Variants in SLC24A2 observed in about 807,000 individuals in gnomAD.
The protein encoded by SLC24A2 is solute carrier family 24 member 2.
SLC24A2 carries 36 observed loss-of-function variants against 62.0 expected under a neutral mutation model. That is an observed-to-expected ratio of 0.58 (90% confidence interval 0.44 to 0.77). The LOEUF (loss-of-function observed/expected upper bound fraction) is 0.77, where lower values mean the gene tolerates loss of function less well. Among genes scored for constraint, SLC24A2 ranks in the 30% least tolerant of loss-of-function variants. The pLI is 0.00. For synonymous variants in SLC24A2, 358 were observed against 294.0 expected (o/e 1.22, Z -2.23); for missense variants, 846 against 817.9 (o/e 1.03, Z -0.42).
Position 19,748,388 on chromosome 9 carries a change from C to T in SLC24A2, c.930+37549G>A, listed in dbSNP as rs191410257. Among the ~76,000 whole-genome samples, 135 of 152,282 alleles carry T rather than the reference C, an allele frequency of 8.9e-4. 1 individual carries two copies. Among genetic ancestry groups the T allele is most frequent in the African/African-American group, 3.1e-3 (130 of 41,564 alleles). On this transcript the variant is annotated intron_variant, in intron 2 of 10. Coordinates refer to ENST00000341998, the MANE Select transcript of SLC24A2 (RefSeq NM_020344.4). ...AGATGACAAAACATTAATCCCTTCCCTCTGAAAAGTATAACACAAGAAGTT... is the reference window on the plus strand; with the variant it reads ...AGATGACAAAACATTAATCCCTTCCTTCTGAAAAGTATAACACAAGAAGTT...
At chr9:20,281,092 G>A in the SLC24A2 span, among the ~76,000 whole-genome samples, 1 of 152,032 alleles carries the variant, frequency 6.6e-6, no homozygotes, top group South Asian at 2.1e-4. Context: ...ACCATGCCTG[G>A]CTGATTTTTG....
chr9:19,520,845 A>T (rs1833165521), intron 10 of SLC24A2, 49 bp downstream of exon 10: 1 of 1,580,412 alleles, frequency 6.3e-7, no homozygotes, highest in African/African-American at 1.3e-5. Context: ...AAGAAGACAA[A>T]GACACTGGTG....
intron 3 of SLC24A2, among the ~76,000 whole-genome samples, chr9:19,620,139 G>C (rs1380184605): frequency 2.6e-5 from 4 of 152,166 alleles, no homozygotes; most frequent in Non-Finnish European, 4.4e-5. Flanking sequence ...AAACCAGTGG[G>C]TGGTCTCTAA....
At chr9:19,665,974 T>A (rs1480915122) in intron 2 of SLC24A2, among the ~76,000 whole-genome samples, 3 of 152,120 alleles carry the variant, frequency 2.0e-5, no homozygotes, top group African/African-American at 7.2e-5. Context: ...TCTCATTCAT[T>A]AAAAGTGAAG....
At chr9:19,772,903 A>G (rs1564092821) in intron 2 of SLC24A2, among the ~76,000 whole-genome samples, 1 of 152,228 alleles carries the variant, frequency 6.6e-6, no homozygotes, top group Non-Finnish European at 1.5e-5. Flanking sequence ...ATTTCACTTC[A>G]GCATTATTCC....
chr9:19,986,450 A>G, the SLC24A2 span, among the ~76,000 whole-genome samples: 3 of 152,206 alleles, frequency 2.0e-5, no homozygotes, highest in Admixed American at 1.3e-4. Flanking sequence ...TAATCCTAAA[A>G]GAACTGCAAG....
chr9:19,669,015 C>T (rs1390129953), intron 2 of SLC24A2, among the ~76,000 whole-genome samples: 1 of 152,138 alleles, frequency 6.6e-6, no homozygotes, highest in African/African-American at 2.4e-5. Flanking sequence ...CTTGCTCCCT[C>T]GGCACTTGGC....
chr9:20,072,609 T>A, the SLC24A2 span, among the ~76,000 whole-genome samples: 1 of 152,032 alleles, frequency 6.6e-6, no homozygotes. Flanking sequence ...GTCAGATATC[T>A]TGAGATGGGA....
In SLC24A2 at chr9:19,751,590, A is replaced by T. The variant is rs1182673; in HGVS notation, c.930+34347T>A. On this transcript the variant is annotated intron_variant, in intron 2 of 10. Transcript: ENST00000341998. ...CTTCAGCCAATGCTGGGGAGAAAGG[A>T]GAGAAACCAAATCATTTTTTGGGGA... Among the ~76,000 whole-genome samples the T allele has an allele frequency of 9.9e-5, 15 of 151,970 alleles. No homozygotes were observed. The East Asian group carries it at 2.3e-3, about 24-fold the overall frequency.
the SLC24A2 span, among the ~76,000 whole-genome samples, chr9:19,997,431 T>C: frequency 1 from 152,305 of 152,336 alleles, 76,137 homozygotes; most frequent in Non-Finnish European, 1. Context: ...TTAGTTTAGG[T>C]CATGATACCT....
Position 19,636,339 on chromosome 9 carries a change from C to CTTTCTTTCTTTG in SLC24A2, c.931-14041_931-14040insCAAAGAAAGAAA, listed in dbSNP as rs1564009888. Among the ~76,000 whole-genome samples the CTTTCTTTCTTTG allele has an allele frequency of 8.3e-4, 26 of 31,372 alleles. 1 individual carries two copies. Among genetic ancestry groups the CTTTCTTTCTTTG allele is most frequent in the Non-Finnish European group, 1.3e-3 (22 of 16,492 alleles). 20.6% of individuals were successfully genotyped at this position (31,372 alleles called of 152,430 possible). A position where few individuals can be genotyped will look rare whatever the true frequency, so the allele number is the denominator to read the frequency against. On this transcript the variant is annotated intron_variant, in intron 2 of 10. Coordinates refer to ENST00000341998, the MANE Select transcript of SLC24A2 (RefSeq NM_020344.4). ...CTTTTCTTTCTTTCTTTCTTTCTTT[C>CTTTCTTTCTTTG]TTTCTTTCTTTCTTTCTTTCTTTCT...
At chr9:19,747,194 T>A (rs1821856977) in intron 2 of SLC24A2, among the ~76,000 whole-genome samples, 1 of 152,160 alleles carries the variant, frequency 6.6e-6, no homozygotes, top group Admixed American at 6.6e-5. Flanking sequence ...TCCAGATACA[T>A]GTCAAGCCCT....
chr9:19,705,724 T>A (rs1442062788), intron 2 of SLC24A2: 1 of 160,872 alleles, frequency 6.2e-6, no homozygotes, highest in Non-Finnish European at 1.4e-5. Flanking sequence ...TTGTTCAGTT[T>A]CCATGTAGTT....
intron 5 of SLC24A2, among the ~76,000 whole-genome samples, chr9:19,595,827 T>G (rs1220429864): frequency 6.6e-6 from 1 of 152,028 alleles, no homozygotes; most frequent in Non-Finnish European, 1.5e-5. Context: ...ACAGGTCAGG[T>G]GGATGCTAAC....
intron 2 of SLC24A2, among the ~76,000 whole-genome samples, chr9:19,642,584 C>CTGCT (rs971518748): frequency 1.3e-5 from 2 of 151,936 alleles, no homozygotes; most frequent in African/African-American, 4.8e-5. Context: ...CCTACAGGTC[C>CTGCT]TGCTTACATT....
chr9:19,910,710 T>G, the SLC24A2 span, among the ~76,000 whole-genome samples: 3 of 152,218 alleles, frequency 2.0e-5, no homozygotes, highest in East Asian at 5.8e-4. Context: ...TACCTTCAGA[T>G]GTTCCTAGAT....
chr9:20,204,050 A>G, the SLC24A2 span, among the ~76,000 whole-genome samples: 26 of 152,252 alleles, frequency 1.7e-4, no homozygotes, highest in African/African-American at 6.0e-4. Flanking sequence ...TATATTAAAA[A>G]CACATTCAGA....
At chr9:20,275,521 C>T in the SLC24A2 span, among the ~76,000 whole-genome samples, 98 of 152,288 alleles carry the variant, frequency 6.4e-4, no homozygotes, top group Non-Finnish European at 1.0e-3. Flanking sequence ...TAAGATAGTA[C>T]CATACATTCC....
At chr9:19,839,868 G>A in the SLC24A2 span, among the ~76,000 whole-genome samples, 1 of 152,166 alleles carries the variant, frequency 6.6e-6, no homozygotes, top group Non-Finnish European at 1.5e-5. Flanking sequence ...ACTGCCTACA[G>A]TATTAATTAC....
Sources: allele counts gnomAD v4.1 joint callset (sites outside exome capture counted in the v4.1 genomes callset), GRCh38; gene constraint gnomAD v4.1.1; transcripts MANE v1.5; gene names NCBI Gene and HGNC (gene_info 2026-07-23, HGNC 2026-07-21).